PPM1H: variants seen among roughly 807,000 people sequenced by gnomAD.
The protein encoded by PPM1H is protein phosphatase 1H.
In PPM1H, 27 loss-of-function variants were observed where a neutral mutation model predicts 54.9. The observed-to-expected ratio is 0.49, with a 90% CI of 0.36 to 0.68. PPM1H has a LOEUF of 0.68. Among genes scored for constraint, PPM1H ranks in the 30% least tolerant of loss-of-function variants. The pLI is 0.00. For synonymous variants in PPM1H, 305 were observed against 270.8 expected, an observed-to-expected ratio of 1.13 and a Z score of -1.24; for missense variants, 596 against 667.8, an observed-to-expected ratio of 0.89 and a Z score of 1.19.
intron 4 of PPM1H, among the ~76,000 whole-genome samples, chr12:62,753,780 C>A (rs556524225): frequency 8.5e-5 from 13 of 152,298 alleles, no homozygotes; most frequent in African/African-American, 3.1e-4. Flanking sequence ...TTTCTCCATT[C>A]TGGTTATTCC....
intron 4 of PPM1H, among the ~76,000 whole-genome samples, chr12:62,767,953 T>C (rs2120637565): frequency 6.6e-6 from 1 of 152,302 alleles, no homozygotes; most frequent in Non-Finnish European, 1.5e-5. Context: ...AGTCACTGGA[T>C]TTAGGGTCTG....
intron 4 of PPM1H, among the ~76,000 whole-genome samples, chr12:62,784,577 C>A (rs1308249748): frequency 6.6e-6 from 1 of 152,186 alleles, no homozygotes; most frequent in African/African-American, 2.4e-5. Flanking sequence ...GAAAACTTAG[C>A]CCTTCATTAA....
chr12:62,672,457 C>G (rs2075961921), intron 8 of PPM1H, among the ~76,000 whole-genome samples: 1 of 152,182 alleles, frequency 6.6e-6, no homozygotes. Flanking sequence ...ATTCTCAAAC[C>G]TAAATGTGTT....
At chr12:62,866,861 G>A (rs1055391497) in intron 1 of PPM1H, among the ~76,000 whole-genome samples, 8 of 151,816 alleles carry the variant, frequency 5.3e-5, no homozygotes, top group Non-Finnish European at 1.0e-4. Context: ...TTAGAATTGA[G>A]TCCATGACGC....
intron 4 of PPM1H, among the ~76,000 whole-genome samples, chr12:62,759,211 C>G (rs193132941): frequency 6.6e-6 from 1 of 152,188 alleles, no homozygotes; most frequent in Non-Finnish European, 1.5e-5. Flanking sequence ...CATTTGGTGC[C>G]GAAGACTCGG....
intron 1 of PPM1H, among the ~76,000 whole-genome samples, chr12:62,842,267 A>G (rs1161319138): frequency 6.6e-6 from 1 of 152,236 alleles, no homozygotes; most frequent in Non-Finnish European, 1.5e-5. Context: ...GCTTTTCTAA[A>G]GATCAGATTT....
intron 2 of PPM1H, among the ~76,000 whole-genome samples, chr12:62,824,433 A>C (rs1385158549): frequency 6.6e-6 from 1 of 152,196 alleles, no homozygotes; most frequent in Non-Finnish European, 1.5e-5. Context: ...AATAGAGCCC[A>C]CATTGCCAAG....
chr12:62,872,859 A>G (rs1444713759), intron 1 of PPM1H, among the ~76,000 whole-genome samples: 1 of 152,230 alleles, frequency 6.6e-6, no homozygotes, highest in East Asian at 1.9e-4. Context: ...AAGGCACATT[A>G]GACAGTTAAA....
At chr12:62,750,217 A>T (rs2076434793) in intron 4 of PPM1H, among the ~76,000 whole-genome samples, 1 of 152,242 alleles carries the variant, frequency 6.6e-6, no homozygotes, top group African/African-American at 2.4e-5. Context: ...ATCCAATTCC[A>T]GGACATTTTC....
chr12:62,705,128 C>A (rs757545427), intron 6 of PPM1H, among the ~76,000 whole-genome samples: 1 of 152,132 alleles, frequency 6.6e-6, no homozygotes, highest in South Asian at 2.1e-4. Flanking sequence ...CACAAACACA[C>A]GGCAAAAAAC....
chr12:62,817,161 G>GAAA (rs1179706449), intron 2 of PPM1H, among the ~76,000 whole-genome samples: 4 of 75,296 alleles, frequency 5.3e-5, no homozygotes, highest in Non-Finnish European at 1.2e-4. Context: ...CTAAAAAAAA[G>GAAA]AAAAAAAAAA....
At chr12:62,884,904 C>T (rs2121056855) in intron 1 of PPM1H, among the ~76,000 whole-genome samples, 1 of 152,220 alleles carries the variant, frequency 6.6e-6, no homozygotes, top group African/African-American at 2.4e-5. Context: ...TTCCTTGCAG[C>T]TGCAGTATTG....
intron 5 of PPM1H, among the ~76,000 whole-genome samples, chr12:62,730,857 A>G (rs866034988): frequency 1.2e-4 from 18 of 152,340 alleles, no homozygotes; most frequent in Middle Eastern, 3.4e-3. Context: ...CAGTCAAATG[A>G]GACAGCTTTT....
At chr12:62,704,970 T>A (rs933070116) in intron 6 of PPM1H, among the ~76,000 whole-genome samples, 25 of 152,204 alleles carry the variant, frequency 1.6e-4, no homozygotes, top group Admixed American at 7.2e-4. Flanking sequence ...TAAAGATTCT[T>A]CTTCTCACCA....
intron 2 of PPM1H, among the ~76,000 whole-genome samples, chr12:62,821,326 A>T (rs1176127467): frequency 2.6e-5 from 4 of 152,226 alleles, no homozygotes; most frequent in Non-Finnish European, 5.9e-5. Context: ...GGGAGAATGG[A>T]AACAAGTTGG....
intron 8 of PPM1H, among the ~76,000 whole-genome samples, chr12:62,682,709 G>T (rs2076026236): frequency 6.6e-6 from 1 of 152,118 alleles, no homozygotes. Context: ...TCATTATATT[G>T]TCCAAGCTGG....
intron 1 of PPM1H, among the ~76,000 whole-genome samples, chr12:62,862,817 A>C (rs1244294955): frequency 6.6e-6 from 1 of 152,216 alleles, no homozygotes; most frequent in African/African-American, 2.4e-5. Flanking sequence ...AGATATAGTA[A>C]AACACCAATT....
At chr12:62,898,151 T>G (rs1458463549) in intron 1 of PPM1H, among the ~76,000 whole-genome samples, 1 of 152,238 alleles carries the variant, frequency 6.6e-6, no homozygotes, top group East Asian at 1.9e-4. Flanking sequence ...TAAACACTTC[T>G]GCATTTCATT....
intron 8 of PPM1H, among the ~76,000 whole-genome samples, chr12:62,676,037 G>C (rs1029983587): frequency 1.3e-5 from 2 of 152,170 alleles, no homozygotes; most frequent in Non-Finnish European, 2.9e-5. Flanking sequence ...GTGGGTCTGG[G>C]GTTTTTACAG....
Sources: gnomAD v4.1 joint callset for allele counts (sites outside exome capture counted in the v4.1 genomes callset) on GRCh38, gnomAD v4.1.1 for gene constraint, MANE v1.5 for transcripts, NCBI Gene and HGNC (gene_info 2026-07-23, HGNC 2026-07-21) for gene names.